OSBP2: variants seen among roughly 807,000 people sequenced by gnomAD.
OSBP2 encodes oxysterol binding protein 2.
Under a neutral mutation model 96.0 loss-of-function variants are expected in OSBP2, and 66 were observed. The observed-to-expected ratio is 0.69, with a 90% confidence interval of 0.56 to 0.84. The LOEUF is 0.84. Among genes scored for constraint, OSBP2 ranks in the 40% least tolerant of loss-of-function variants. The pLI, the probability that OSBP2 is intolerant of heterozygous loss-of-function variation, is 0.00. For missense variants in OSBP2, 1,038 were observed against 1,222.7 expected (o/e 0.85, Z 2.25); for synonymous variants, 525 against 520.9 (o/e 1.01, Z -0.11).
chr22:30,775,312 A>T (rs532715442), intron 2 of OSBP2, among the ~76,000 whole-genome samples: 1 of 152,292 alleles, frequency 6.6e-6, no homozygotes, highest in African/African-American at 2.4e-5. Context: ...GGAGTCTTTT[A>T]AAAACACAAA....
At position 30,742,011 on chromosome 22, in the gene OSBP2, G is replaced by T. The variant is rs2089944664; in HGVS notation, c.853+642G>T. Among the ~76,000 whole-genome samples, 3 of 151,660 alleles carry T rather than the reference G, an allele frequency of 2.0e-5. No homozygotes were observed. The South Asian group carries it at 6.2e-4, about 32-fold the overall frequency. ...ATTTTTGTATTTTTAATACAGACAG[G>T]GTTTCATCACGTTGGCCAGGCTGGT... On this transcript the variant is annotated intron_variant, in intron 2 of 13. Transcript: ENST00000332585.
chr22:30,737,684 G>A (rs1211528152), intron 1 of OSBP2, among the ~76,000 whole-genome samples: 2 of 151,438 alleles, frequency 1.3e-5, no homozygotes, highest in African/African-American at 4.9e-5. Context: ...GGCCCACAAT[G>A]TTCACTGTCT....
intron 4 of OSBP2, among the ~76,000 whole-genome samples, chr22:30,887,997 G>C (rs1350668142): frequency 1.3e-5 from 2 of 152,134 alleles, no homozygotes; most frequent in Non-Finnish European, 2.9e-5. Flanking sequence ...GAGATCGGGG[G>C]GGCTTCCAGA....
At chr22:30,886,761 G>C (rs1443421918) in intron 3 of OSBP2, among the ~76,000 whole-genome samples, 1 of 152,176 alleles carries the variant, frequency 6.6e-6, no homozygotes, top group Non-Finnish European at 1.5e-5. Flanking sequence ...AGACGCCTTA[G>C]ATAGGAATTT....
At chr22:30,880,373 A>G (rs2039676126) in intron 3 of OSBP2, among the ~76,000 whole-genome samples, 1 of 152,222 alleles carries the variant, frequency 6.6e-6, no homozygotes, top group African/African-American at 2.4e-5. Flanking sequence ...CCAGCCGCAG[A>G]TAAGAACACG....
At chr22:30,855,463 T>C (rs2039061883) in intron 2 of OSBP2, among the ~76,000 whole-genome samples, 1 of 152,168 alleles carries the variant, frequency 6.6e-6, no homozygotes, top group African/African-American at 2.4e-5. Flanking sequence ...AGGGGGACTG[T>C]CTTGCCAAAT....
intron 2 of OSBP2, among the ~76,000 whole-genome samples, chr22:30,868,488 G>C (rs1483447971): frequency 6.6e-6 from 1 of 152,256 alleles, no homozygotes; most frequent in African/African-American, 2.4e-5. Flanking sequence ...GGCCTTGCCA[G>C]GGTAGGGACT....
intron 1 of OSBP2, among the ~76,000 whole-genome samples, chr22:30,714,339 C>G (rs2089409598): frequency 6.6e-6 from 1 of 151,954 alleles, no homozygotes; most frequent in South Asian, 2.1e-4. Flanking sequence ...CATATCTTGG[C>G]TATTGTGAAT....
chr22:30,876,343 G>T (rs764681826), intron 3 of OSBP2, among the ~76,000 whole-genome samples: 5 of 152,198 alleles, frequency 3.3e-5, no homozygotes, highest in Non-Finnish European at 7.3e-5. Flanking sequence ...TCCAGTCATG[G>T]TGGGCCCGTG....
rs562322424 is a variant in OSBP2 at position 30,701,534 on chromosome 22, G to A, written c.644+5981G>A. On this transcript the variant is annotated intron_variant, in intron 1 of 13. Coordinates refer to ENST00000332585, the MANE Select transcript of OSBP2 (RefSeq NM_030758.4). ...TATTTTTTGTATTTTTAGTACAGAC[G>A]GGGTTTCACCATGTTAGCCAGGATG... Among the ~76,000 whole-genome samples, 130 of 151,772 alleles carry A rather than the reference G, an allele frequency of 8.6e-4. 1 individual carries two copies. The South Asian group carries it at 0.02, about 24-fold the overall frequency.
At chr22:30,860,670 G>A (rs1387080650) in intron 2 of OSBP2, among the ~76,000 whole-genome samples, 1 of 152,168 alleles carries the variant, frequency 6.6e-6, no homozygotes, top group Non-Finnish European at 1.5e-5. Context: ...ACCTACACAG[G>A]GTGAGTGAGT....
intron 2 of OSBP2, among the ~76,000 whole-genome samples, chr22:30,811,858 T>G (rs1427960185): frequency 1.4e-5 from 2 of 147,982 alleles, no homozygotes; most frequent in Non-Finnish European, 3.0e-5. Context: ...CCCGGCCTAT[T>G]TTTTTTTTTA....
chr22:30,844,867 G>A (rs1193094194), intron 2 of OSBP2, among the ~76,000 whole-genome samples: 1 of 152,194 alleles, frequency 6.6e-6, no homozygotes, highest in Non-Finnish European at 1.5e-5. Flanking sequence ...GATTTAAAGT[G>A]AGAGCCATGC....
chr22:30,795,507 C>G (rs1161938790), intron 2 of OSBP2, among the ~76,000 whole-genome samples: 2 of 149,540 alleles, frequency 1.3e-5, no homozygotes, highest in South Asian at 2.1e-4. Flanking sequence ...GCCGTTAAAC[C>G]TATCCAATGC....
chr22:30,721,298 G>C (rs2089546701), intron 1 of OSBP2, among the ~76,000 whole-genome samples: 1 of 152,110 alleles, frequency 6.6e-6, no homozygotes, highest in Admixed American at 6.6e-5. Context: ...ATGGTGCATG[G>C]GAGAAAGAAG....
chr22:30,852,025 C>T (rs2038987876), intron 2 of OSBP2, among the ~76,000 whole-genome samples: 1 of 152,148 alleles, frequency 6.6e-6, no homozygotes, highest in African/African-American at 2.4e-5. Flanking sequence ...ATAAACCCCA[C>T]TTGTCCATAA....
chr22:30,694,855 C>T, upstream of OSBP2: 8 of 832,970 alleles, frequency 9.6e-6, no homozygotes, highest in Non-Finnish European at 1.2e-5. Flanking sequence ...GCCCCGCCCC[C>T]GGCCTGCCCC....
intron 1 of OSBP2, among the ~76,000 whole-genome samples, chr22:30,713,989 A>G (rs1392102689): frequency 6.6e-6 from 1 of 152,186 alleles, no homozygotes; most frequent in Non-Finnish European, 1.5e-5. Flanking sequence ...ACAGTGCTGT[A>G]GAACACTAGA....
rs553360822 is a variant in OSBP2 at position 30,863,537 on chromosome 22, G to T, written c.854-6892G>T. On this transcript the variant is annotated intron_variant, in intron 2 of 13. Coordinates refer to ENST00000332585, the MANE Select transcript of OSBP2 (RefSeq NM_030758.4). Reference sequence around the variant, plus strand: ...AAGTCGGTAGTGCTCAAGATGCAATGAATGCCCTGCTCTGGGGGTCTGGAG... The same window carrying T: ...AAGTCGGTAGTGCTCAAGATGCAATTAATGCCCTGCTCTGGGGGTCTGGAG... Among the ~76,000 whole-genome samples the T allele has an allele frequency of 3.9e-5, 6 of 152,300 alleles. 1 individual carries two copies. In the South Asian group the frequency reaches 1.2e-3, roughly 32 times the overall value.
Sources: gnomAD v4.1 joint callset for allele counts (sites outside exome capture counted in the v4.1 genomes callset) on GRCh38, gnomAD v4.1.1 for gene constraint, MANE v1.5 for transcripts, NCBI Gene and HGNC (gene_info 2026-07-23, HGNC 2026-07-21) for gene names.